URI1: variants seen among roughly 807,000 people sequenced by gnomAD.
URI1 encodes URI1 prefoldin like chaperone.
In URI1, 39 loss-of-function variants were observed where a neutral mutation model predicts 60.2. That is an observed-to-expected ratio of 0.65 (90% CI 0.50 to 0.85). The LOEUF (loss-of-function observed/expected upper bound fraction) is 0.85. Among genes scored for constraint, URI1 ranks in the 40% least tolerant of loss-of-function variants. URI1 has a pLI of 0.00. For synonymous variants in URI1, 251 were observed against 236.8 expected, an observed-to-expected ratio of 1.06 and a Z score of -0.55; for missense variants, 691 against 665.9, an observed-to-expected ratio of 1.04 and a Z score of -0.42.
intron 2 of URI1, among the ~76,000 whole-genome samples, chr19:29,982,068 G>A (rs1171065738): frequency 6.6e-6 from 1 of 152,116 alleles, no homozygotes; most frequent in Admixed American, 6.5e-5. Context: ...ACATTTCCAC[G>A]AATGTAGCCT....
chr19:29,926,070 C>T (rs2054863087), intron 1 of URI1, among the ~76,000 whole-genome samples: 1 of 151,766 alleles, frequency 6.6e-6, no homozygotes, highest in African/African-American at 2.4e-5. Context: ...TTCCTTCTTT[C>T]CTTCCTTCCT....
At chr19:29,957,446 T>C (rs901173875) in intron 1 of URI1, among the ~76,000 whole-genome samples, 2 of 152,250 alleles carry the variant, frequency 1.3e-5, no homozygotes, top group Admixed American at 6.5e-5. Flanking sequence ...TCATAAATTA[T>C]GTGATTATTT....
chr19:29,971,055 T>C, intron 1 of URI1, 138 bp from the exon 2 acceptor site: 1 of 785,982 alleles, frequency 1.3e-6, no homozygotes, highest in Non-Finnish European at 2.1e-6. Context: ...CACATCTCTG[T>C]GCATTTGACA....
intron 1 of URI1, among the ~76,000 whole-genome samples, chr19:29,955,805 G>A (rs1477166972): frequency 1.3e-5 from 2 of 151,772 alleles, no homozygotes; most frequent in Non-Finnish European, 2.9e-5. Context: ...TGACCAGGCA[G>A]GTCTCAAACT....
At chr19:29,987,132 A>T (rs536394250) in intron 4 of URI1, among the ~76,000 whole-genome samples, 51 of 152,300 alleles carry the variant, frequency 3.3e-4, no homozygotes, top group African/African-American at 1.2e-3. Context: ...TTCAGTTTAT[A>T]ATCTGTTGTT....
intron 1 of URI1, among the ~76,000 whole-genome samples, chr19:29,959,052 G>A (rs141369307): frequency 4.6e-5 from 7 of 152,186 alleles, no homozygotes; most frequent in African/African-American, 1.7e-4. Context: ...AATTAGGCTG[G>A]TCTCATGAAA....
At chr19:29,984,216 A>G (rs376937977) in intron 2 of URI1, among the ~76,000 whole-genome samples, 1 of 152,130 alleles carries the variant, frequency 6.6e-6, no homozygotes, top group Non-Finnish European at 1.5e-5. Flanking sequence ...GCTTGAAGCC[A>G]GGAGTTCGAG....
At chr19:29,974,251 G>A (rs1421913354) in intron 2 of URI1, among the ~76,000 whole-genome samples, 2 of 151,682 alleles carry the variant, frequency 1.3e-5, no homozygotes, top group Admixed American at 6.6e-5. Context: ...CACTCAATAA[G>A]TATTAATAGG....
intron 1 of URI1, among the ~76,000 whole-genome samples, chr19:29,955,648 AT>A (rs1207286964): frequency 1.6e-5 from 2 of 126,296 alleles, no homozygotes; most frequent in Admixed American, 9.2e-5. Context: ...CCCAGTTACC[AT>A]TTTTTTCTTT....
At chr19:30,003,124 C>T (rs1014048172) in intron 4 of URI1, among the ~76,000 whole-genome samples, 4 of 151,996 alleles carry the variant, frequency 2.6e-5, no homozygotes, top group African/African-American at 9.7e-5. Context: ...GCTTTTTTAA[C>T]TGTTGTTCTT....
chr19:29,948,989 C>T (rs1412787497), intron 1 of URI1, among the ~76,000 whole-genome samples: 4 of 144,726 alleles, frequency 2.8e-5, no homozygotes, highest in Non-Finnish European at 3.1e-5. Flanking sequence ...CCGGACGGGG[C>T]GGCTGGCCAG....
intron 10 of URI1, among the ~76,000 whole-genome samples, chr19:30,013,815 G>A (rs2056052618): frequency 6.6e-6 from 1 of 152,086 alleles, no homozygotes; most frequent in East Asian, 1.9e-4. Context: ...ATAAAGTGGA[G>A]TTTTTAGGAA....
intron 1 of URI1, among the ~76,000 whole-genome samples, chr19:29,943,500 T>C (rs78171779): frequency 0.014 from 2,068 of 152,366 alleles, 47 homozygotes; most frequent in African/African-American, 0.047. Context: ...GCTTAAAATA[T>C]TTTATGTCAT....
chr19:29,967,435 T>C (rs890336168), intron 1 of URI1, among the ~76,000 whole-genome samples: 2 of 152,222 alleles, frequency 1.3e-5, no homozygotes, highest in African/African-American at 4.8e-5. Flanking sequence ...TACACAGATA[T>C]ACTAGTAAAT....
At chr19:29,983,789 A>G (rs1307720998) in intron 2 of URI1, among the ~76,000 whole-genome samples, 1 of 152,316 alleles carries the variant, frequency 6.6e-6, no homozygotes, top group East Asian at 1.9e-4. Context: ...AGGTGTTAAG[A>G]GCTGAGTAAG....
At chr19:29,968,463 AG>A (rs1234805455) in intron 1 of URI1, among the ~76,000 whole-genome samples, 1 of 151,874 alleles carries the variant, frequency 6.6e-6, no homozygotes, top group African/African-American at 2.4e-5. Context: ...GTCCCCTTTC[AG>A]GAGAAATAAG....
intron 1 of URI1, among the ~76,000 whole-genome samples, chr19:29,953,142 C>G (rs556073638): frequency 6.6e-6 from 1 of 152,310 alleles, no homozygotes; most frequent in African/African-American, 2.4e-5. Flanking sequence ...TTTATGCTCT[C>G]ATTTCACCAT....
chr19:29,944,187 ATATAT>A (rs1599658645), intron 1 of URI1, among the ~76,000 whole-genome samples: 1 of 111,802 alleles, frequency 8.9e-6, no homozygotes, highest in South Asian at 2.7e-4. Context: ...ATATATATAT[ATATAT>A]AAAACTTAAC....
intron 6 of URI1, among the ~76,000 whole-genome samples, chr19:30,006,617 TG>T (rs2055946087): frequency 6.6e-6 from 1 of 152,144 alleles, no homozygotes; most frequent in Non-Finnish European, 1.5e-5. Flanking sequence ...AGAATAAGGC[TG>T]TGAAACATAA....
Sources: allele counts gnomAD v4.1 joint callset (sites outside exome capture counted in the v4.1 genomes callset), GRCh38; gene constraint gnomAD v4.1.1; transcripts MANE v1.5; gene names NCBI Gene and HGNC (gene_info 2026-07-23, HGNC 2026-07-21).